Variants in LRIF1 observed in about 807,000 individuals in gnomAD.
LRIF1 encodes ligand-dependent nuclear receptor-interacting factor 1.
A neutral mutation model predicts 52.7 loss-of-function variants in LRIF1; 32 were observed. That is an observed-to-expected ratio of 0.61 (90% confidence interval 0.46 to 0.82). The LOEUF (loss-of-function observed/expected upper bound fraction) is 0.82, where lower values mean the gene tolerates loss of function less well. LRIF1 is among the 40% of genes least tolerant of loss of function. LRIF1 has a pLI of 0.00. For synonymous variants in LRIF1, 323 were observed against 317.4 expected (o/e 1.02, Z -0.19); for missense variants, 887 against 892.0 (o/e 0.99, Z 0.07).
the LRIF1 span, among the ~76,000 whole-genome samples, chr1:110,927,049 T>C: frequency 6.6e-6 from 1 of 152,124 alleles, no homozygotes; most frequent in Non-Finnish European, 1.5e-5. Flanking sequence ...TGGTTAACCA[T>C]ATGGAAAGAA....
At chr1:110,883,560 A>C in the LRIF1 span, among the ~76,000 whole-genome samples, 2 of 151,956 alleles carry the variant, frequency 1.3e-5, no homozygotes, top group African/African-American at 4.8e-5. Flanking sequence ...CTGGCCTCAC[A>C]GGATAAGGTA....
the LRIF1 span, among the ~76,000 whole-genome samples, chr1:110,884,183 G>A: frequency 2.6e-5 from 4 of 152,016 alleles, no homozygotes; most frequent in East Asian, 7.7e-4. Flanking sequence ...TTGCTTTAGT[G>A]ACATTCCCAC....
chr1:110,925,356 C>T, the LRIF1 span, among the ~76,000 whole-genome samples: 3 of 152,210 alleles, frequency 2.0e-5, no homozygotes, highest in Admixed American at 6.5e-5. Context: ...TCAGCCTACT[C>T]TGCAGATCTT....
the LRIF1 span, among the ~76,000 whole-genome samples, chr1:110,914,812 G>A: frequency 6.6e-6 from 1 of 152,084 alleles, no homozygotes; most frequent in Non-Finnish European, 1.5e-5. Flanking sequence ...AAATAATACA[G>A]ATCTTACCAA....
chr1:110,920,642 A>T, the LRIF1 span, among the ~76,000 whole-genome samples: 3 of 152,232 alleles, frequency 2.0e-5, no homozygotes, highest in Non-Finnish European at 4.4e-5. Context: ...CAAAACCCAT[A>T]GAACGTACAA....
chr1:110,919,136 A>G, the LRIF1 span, among the ~76,000 whole-genome samples: 1 of 152,198 alleles, frequency 6.6e-6, no homozygotes, highest in Admixed American at 6.5e-5. Flanking sequence ...AATGAGAAAA[A>G]TCCTTAAAAC....
At chr1:110,895,742 A>G in the LRIF1 span, among the ~76,000 whole-genome samples, 1 of 152,150 alleles carries the variant, frequency 6.6e-6, no homozygotes, top group Non-Finnish European at 1.5e-5. Context: ...TTTATTACAT[A>G]ATTTTTAGAA....
the LRIF1 span, chr1:110,939,950 A>G: frequency 6.6e-6 from 1 of 152,190 alleles, no homozygotes; most frequent in African/African-American, 2.4e-5. Context: ...GTAGTACCCC[A>G]CAAACACAGA....
At chr1:110,908,413 G>A in the LRIF1 span, among the ~76,000 whole-genome samples, 1 of 152,188 alleles carries the variant, frequency 6.6e-6, no homozygotes, top group Non-Finnish European at 1.5e-5. Flanking sequence ...AGACTGAAAT[G>A]ACTGAAATAA....
chr1:110,951,440 A>C lies in LRIF1; in HGVS notation c.1444T>G (p.Phe482Val). The C allele has an allele frequency of 1.9e-6, 3 of 1,614,120 alleles. No individual in the cohort carries two copies. The highest frequency in any genetic ancestry group is 2.5e-6 in the Non-Finnish European group (3 of 1,180,020). The change falls in exon 2 of 4, where the codon TTT becomes GTT. Residue 482 changes from phenylalanine to valine, a missense_variant. Transcript: ENST00000369763. ...CTGGGGGCATTGTGTCCTGTACTAA[A>C]TCCAACTGGAAAGATTGGATTTGTG... ...LFTNPIFPVG[F>V]STGHNAPRKV... is the part of the protein sequence containing the mutation.
the LRIF1 span, among the ~76,000 whole-genome samples, chr1:110,878,902 C>G: frequency 6.6e-6 from 1 of 152,132 alleles, no homozygotes; most frequent in Admixed American, 6.5e-5. Context: ...GAAAGGAAGT[C>G]TTACAGAAAC....
the LRIF1 span, among the ~76,000 whole-genome samples, chr1:110,925,436 C>T: frequency 3.8e-4 from 58 of 152,176 alleles, no homozygotes; most frequent in South Asian, 4.1e-4. Context: ...TCTTCACACG[C>T]GCATACACAT....
the LRIF1 span, among the ~76,000 whole-genome samples, chr1:110,924,336 A>AG: frequency 3.3e-5 from 5 of 152,372 alleles, no homozygotes; most frequent in East Asian, 9.6e-4. Context: ...GACTAAAAAA[A>AG]GAGAATACTC....
chr1:110,894,321 T>C, the LRIF1 span: 1 of 1,613,774 alleles, frequency 6.2e-7, no homozygotes, highest in Non-Finnish European at 8.5e-7. Flanking sequence ...ATCTGCTTTG[T>C]CCCAGTTCTT....
chr1:110,917,986 T>C, the LRIF1 span, among the ~76,000 whole-genome samples: 1 of 152,224 alleles, frequency 6.6e-6, no homozygotes, highest in Non-Finnish European at 1.5e-5. Flanking sequence ...TTTAATTCAT[T>C]GATAGATTAA....
downstream of LRIF1, among the ~76,000 whole-genome samples, chr1:110,942,927 A>G (rs1238051034): frequency 1.3e-5 from 2 of 152,142 alleles, no homozygotes; most frequent in Non-Finnish European, 2.9e-5. Flanking sequence ...ATCCATGAGA[A>G]CTAGGTAAGA....
intron 1 of LRIF1, among the ~76,000 whole-genome samples, chr1:110,955,566 T>C (rs1207501435): frequency 6.6e-6 from 1 of 152,180 alleles, no homozygotes; most frequent in Non-Finnish European, 1.5e-5. Flanking sequence ...GCAATTATAC[T>C]AAAAGTTTCT....
intron 3 of LRIF1, among the ~76,000 whole-genome samples, chr1:110,948,995 C>T (rs931508540): frequency 6.6e-6 from 1 of 151,968 alleles, no homozygotes; most frequent in South Asian, 2.1e-4. Context: ...AAAGCTATGG[C>T]CATTTTCTTG....
chr1:110,913,308 C>T, the LRIF1 span, among the ~76,000 whole-genome samples: 2 of 152,092 alleles, frequency 1.3e-5, no homozygotes, highest in African/African-American at 2.4e-5. Flanking sequence ...TGAAACAAAA[C>T]CAAAAATAGA....
Sources: gnomAD v4.1 joint callset for allele counts (sites outside exome capture counted in the v4.1 genomes callset) on GRCh38, gnomAD v4.1.1 for gene constraint, MANE v1.5 for transcripts, NCBI Gene and HGNC (gene_info 2026-07-23, HGNC 2026-07-21) for gene names.